Variants in RPS6KA2 observed in about 807,000 individuals in gnomAD.
RPS6KA2 encodes ribosomal protein S6 kinase A2, also known as ribosomal protein S6 kinase alpha-2.
RPS6KA2 carries 42 observed loss-of-function variants against 91.8 expected under a neutral mutation model. The observed-to-expected ratio is 0.46, with a 90% CI of 0.36 to 0.59. RPS6KA2 has a LOEUF of 0.59. Ranked by LOEUF, RPS6KA2 falls within the 20% of genes least tolerant of loss-of-function variation. The pLI is 0.00. For missense variants in RPS6KA2, 798 were observed against 978.5 expected, an observed-to-expected ratio of 0.82 and a Z score of 2.46; for synonymous variants, 414 against 393.6, an observed-to-expected ratio of 1.05 and a Z score of -0.61.
intron 13 of RPS6KA2, among the ~76,000 whole-genome samples, chr6:166,449,300 C>T (rs1289942267): frequency 6.6e-6 from 1 of 152,110 alleles, no homozygotes; most frequent in African/African-American, 2.4e-5. Flanking sequence ...CCCACCCACC[C>T]GCTCTTAACT....
chr6:166,833,651 A>G (rs78969777), intron 2 of RPS6KA2, among the ~76,000 whole-genome samples: 2,854 of 152,234 alleles, frequency 0.019, 91 homozygotes, highest in African/African-American at 0.065. Flanking sequence ...TTTCCTTCAG[A>G]CTAATTCTTG....
intron 3 of RPS6KA2, among the ~76,000 whole-genome samples, chr6:166,520,351 G>A (rs543355756): frequency 5.3e-5 from 8 of 151,884 alleles, no homozygotes; most frequent in South Asian, 2.1e-4. Context: ...CTTTGAATTC[G>A]GACTGGAACT....
intron 1 of RPS6KA2, among the ~76,000 whole-genome samples, chr6:166,859,540 C>T (rs962351517): frequency 3.3e-5 from 5 of 152,190 alleles, no homozygotes; most frequent in Non-Finnish European, 7.3e-5. Flanking sequence ...TTAATGAGCA[C>T]GTTGCCTTGT....
chr6:166,533,384 G>A lies in RPS6KA2; in HGVS notation c.217-2071C>T, dbSNP rs891459117. Among the ~76,000 whole-genome samples, 5 of 152,242 alleles carry A rather than the reference G, an allele frequency of 3.3e-5. No individual in the cohort carries two copies. The highest frequency in any genetic ancestry group is 5.9e-5 in the Non-Finnish European group (4 of 68,048). On this transcript the variant is annotated intron_variant, in intron 2 of 20. Transcript: ENST00000265678. This position sits in a 1 kb window ranked among gnomAD's most constrained non-coding sequence, Gnocchi z 4.0. ...CTGGGCAAGGCTGCGTGAGCGTCCC[G>A]GTGCCGGAGAGGCCGCACTGGCAGA...
chr6:166,680,101 G>A (rs1025533234), intron 2 of RPS6KA2, among the ~76,000 whole-genome samples: 5 of 151,730 alleles, frequency 3.3e-5, no homozygotes, highest in African/African-American at 1.2e-4. Context: ...TCTAGCTAAC[G>A]GTTTGTAAAC....
chr6:166,682,938 A>T (rs1354003629), intron 2 of RPS6KA2, among the ~76,000 whole-genome samples: 1 of 152,150 alleles, frequency 6.6e-6, no homozygotes, highest in African/African-American at 2.4e-5. Context: ...ACCCAAACCA[A>T]TGAGTTGAAG....
chr6:166,862,123 C>A (rs781115968), exon 1 of RPS6KA2: 1 of 1,614,138 alleles, frequency 6.2e-7, no homozygotes, highest in Admixed American at 1.7e-5. Flanking sequence ...TTTCCATAGG[C>A]TCCACCTCGA....
At chr6:166,682,598 A>C (rs1487564565) in intron 2 of RPS6KA2, among the ~76,000 whole-genome samples, 1 of 152,252 alleles carries the variant, frequency 6.6e-6, no homozygotes, top group African/African-American at 2.4e-5. Flanking sequence ...GGACTCCATA[A>C]TTAGCTGTCG....
intron 1 of RPS6KA2, chr6:166,586,438 T>G: frequency 2.5e-6 from 4 of 1,599,826 alleles, no homozygotes; most frequent in Non-Finnish European, 3.4e-6. Flanking sequence ...CTAGCAAACA[T>G]CTCTTCAAAA....
At chr6:166,832,365 T>C (rs966527824) in intron 2 of RPS6KA2, among the ~76,000 whole-genome samples, 5 of 152,170 alleles carry the variant, frequency 3.3e-5, no homozygotes, top group African/African-American at 1.2e-4. Flanking sequence ...GATGCACAGA[T>C]AGCAGAGGCT....
intron 10 of RPS6KA2, among the ~76,000 whole-genome samples, chr6:166,476,269 C>T (rs1780971529): frequency 1.3e-5 from 2 of 152,128 alleles, no homozygotes; most frequent in African/African-American, 2.4e-5. Flanking sequence ...AGTGGGAGCA[C>T]AGCCCTGCAG....
chr6:166,442,827 G>A (rs1283802183), intron 14 of RPS6KA2, among the ~76,000 whole-genome samples: 1 of 152,196 alleles, frequency 6.6e-6, no homozygotes, highest in South Asian at 2.1e-4. Context: ...TTAAGCTTAT[G>A]AGAAGGGGAG....
At chr6:166,691,290 T>C (rs1055616007) in intron 2 of RPS6KA2, among the ~76,000 whole-genome samples, 3 of 152,174 alleles carry the variant, frequency 2.0e-5, no homozygotes, top group Non-Finnish European at 4.4e-5. Context: ...CATGCCAGGT[T>C]AGGCCCTCCT....
chr6:166,630,904 A>G (rs1373969958), upstream of RPS6KA2, among the ~76,000 whole-genome samples: 1 of 152,208 alleles, frequency 6.6e-6, no homozygotes, highest in Non-Finnish European at 1.5e-5. Flanking sequence ...TAGAAGGTAA[A>G]CTGTAGTGGA....
At chr6:166,640,207 G>A (rs141840550) in intron 2 of RPS6KA2, among the ~76,000 whole-genome samples, 113 of 141,564 alleles carry the variant, frequency 8.0e-4, no homozygotes, top group African/African-American at 2.9e-3. Flanking sequence ...AAGGATTTCT[G>A]TAGCTTAAAA....
intron 10 of RPS6KA2, chr6:166,475,906 T>C: frequency 2.1e-6 from 1 of 477,560 alleles, no homozygotes; most frequent in South Asian, 1.6e-5. Flanking sequence ...TATAAACACA[T>C]TATGCCATCT....
At chr6:166,830,533 T>TA (rs1780159951) in intron 2 of RPS6KA2, among the ~76,000 whole-genome samples, 1 of 151,914 alleles carries the variant, frequency 6.6e-6, no homozygotes, top group African/African-American at 2.4e-5. Context: ...AATTTCTTTT[T>TA]AAAAAAAGCT....
intron 2 of RPS6KA2, among the ~76,000 whole-genome samples, chr6:166,711,791 AG>A (rs60392427): frequency 0.68 from 102,758 of 151,448 alleles, 35,344 homozygotes; most frequent in South Asian, 0.84. Context: ...AGAAAGAGAG[AG>A]AGAGAGAGAG....
intron 14 of RPS6KA2, among the ~76,000 whole-genome samples, chr6:166,443,857 C>CT (rs1306589718): frequency 7.2e-5 from 11 of 152,188 alleles, no homozygotes; most frequent in Non-Finnish European, 1.6e-4. Flanking sequence ...ATTTTCTTAA[C>CT]TTTTTAAATA....
Sources: allele counts gnomAD v4.1 joint callset (sites outside exome capture counted in the v4.1 genomes callset), GRCh38; gene constraint gnomAD v4.1.1; non-coding constraint Gnocchi (gnomAD v3.1); transcripts MANE v1.5; gene names NCBI Gene and HGNC (gene_info 2026-07-23, HGNC 2026-07-21).